Variants in CTIF observed in about 807,000 individuals in gnomAD.
CTIF encodes the protein cap binding complex dependent translation initiation factor.
CTIF carries 21 observed loss-of-function variants against 66.0 expected under a neutral mutation model. The observed-to-expected ratio is 0.32, with a 90% CI of 0.23 to 0.46. The LOEUF (loss-of-function observed/expected upper bound fraction) is 0.46. Ranked by LOEUF, CTIF falls within the 20% of genes least tolerant of loss-of-function variation. CTIF has a pLI of 1.00. For synonymous variants in CTIF, 345 were observed against 326.4 expected, an observed-to-expected ratio of 1.06 and a Z score of -0.62; for missense variants, 739 against 812.7, an observed-to-expected ratio of 0.91 and a Z score of 1.10.
intron 1 of CTIF, among the ~76,000 whole-genome samples, chr18:48,552,188 C>T (rs1011877358): frequency 3.9e-5 from 6 of 152,238 alleles, no homozygotes; most frequent in Non-Finnish European, 7.3e-5. Context: ...TTAGCCATTA[C>T]AGCTTCTGTT....
intron 1 of CTIF, among the ~76,000 whole-genome samples, chr18:48,593,701 T>G (rs1397090714): frequency 6.6e-6 from 1 of 151,912 alleles, no homozygotes; most frequent in Non-Finnish European, 1.5e-5. Context: ...TCTTTTGTAT[T>G]TTAAAGCTGA....
intron 1 of CTIF, among the ~76,000 whole-genome samples, chr18:48,584,365 C>G (rs546482000): frequency 6.6e-6 from 1 of 152,302 alleles, no homozygotes; most frequent in East Asian, 1.9e-4. Context: ...CACAAGAAAC[C>G]AGGGACTATT....
chr18:48,817,209 A>G lies in CTIF; in HGVS notation c.1372-12A>G, dbSNP rs758425217. Reference sequence around the variant, plus strand: ...CCCCGGGAGGCTGACGCGGTCTCTCATGCCTCCACAGAAGGACTTCACGGT... The same window carrying G: ...CCCCGGGAGGCTGACGCGGTCTCTCGTGCCTCCACAGAAGGACTTCACGGT... On this transcript the variant is annotated splice_polypyrimidine_tract_variant and intron_variant, in intron 9 of 11. Coordinates refer to ENST00000256413, the MANE Select transcript of CTIF (RefSeq NM_014772.3). 1.9e-6 allele frequency: 3 copies of G among 1,611,542 alleles called. No individual in the cohort carries two copies. The South Asian group carries it at 3.3e-5, about 18-fold the overall frequency.
At chr18:48,772,909 A>G (rs1910308787) in intron 9 of CTIF, among the ~76,000 whole-genome samples, 1 of 152,236 alleles carries the variant, frequency 6.6e-6, no homozygotes, top group African/African-American at 2.4e-5. Context: ...AGTATCTGCC[A>G]AACTGTTTCC....
chr18:48,568,768 A>C (rs752364908), intron 1 of CTIF, among the ~76,000 whole-genome samples: 1 of 151,842 alleles, frequency 6.6e-6, no homozygotes, highest in African/African-American at 2.4e-5. Flanking sequence ...GGCGGCAGGC[A>C]AAAGAGTGTG....
At chr18:48,839,300 A>C (rs2068884516) in intron 10 of CTIF, among the ~76,000 whole-genome samples, 2 of 149,224 alleles carry the variant, frequency 1.3e-5, no homozygotes, top group African/African-American at 5.0e-5. Context: ...TCCTCACCCC[A>C]CTCTCCTGGC....
intron 1 of CTIF, among the ~76,000 whole-genome samples, chr18:48,558,699 C>A (rs1051478474): frequency 6.6e-6 from 1 of 152,160 alleles, no homozygotes; most frequent in Admixed American, 6.6e-5. Context: ...TCTTAAACAG[C>A]AACTTGTTAT....
intron 1 of CTIF, among the ~76,000 whole-genome samples, chr18:48,541,995 C>T (rs2088632979): frequency 6.6e-6 from 1 of 152,084 alleles, no homozygotes; most frequent in Non-Finnish European, 1.5e-5. Flanking sequence ...CTTTTCTCAG[C>T]TTATGGCATT....
chr18:48,593,556 G>A (rs1469965926), intron 1 of CTIF, among the ~76,000 whole-genome samples: 3 of 151,464 alleles, frequency 2.0e-5, no homozygotes, highest in African/African-American at 7.3e-5. Context: ...TAATTTTTTT[G>A]TATTTTTAGT....
intron 7 of CTIF, among the ~76,000 whole-genome samples, chr18:48,725,313 G>T (rs917320373): frequency 6.6e-6 from 1 of 152,114 alleles, no homozygotes; most frequent in African/African-American, 2.4e-5. Context: ...CTCAGTCAGG[G>T]GTAGGGTAGG....
At chr18:48,719,271 G>A (rs1598921006) in intron 7 of CTIF, among the ~76,000 whole-genome samples, 1 of 152,074 alleles carries the variant, frequency 6.6e-6, no homozygotes, top group East Asian at 1.9e-4. Context: ...GGGATACCAA[G>A]TGCCTCTCGA....
intron 6 of CTIF, among the ~76,000 whole-genome samples, chr18:48,687,549 T>G (rs2091862099): frequency 6.6e-6 from 1 of 152,170 alleles, no homozygotes; most frequent in South Asian, 2.1e-4. Context: ...AGCCACACCC[T>G]GCCTAGCTTT....
At chr18:48,610,500 G>C (rs921056246) in intron 1 of CTIF, among the ~76,000 whole-genome samples, 1 of 152,070 alleles carries the variant, frequency 6.6e-6, no homozygotes, top group Non-Finnish European at 1.5e-5. Flanking sequence ...TTCTTCCTCC[G>C]AGAGGAAGTG....
chr18:48,623,317 G>A (rs894377718), intron 2 of CTIF, among the ~76,000 whole-genome samples: 2 of 152,214 alleles, frequency 1.3e-5, no homozygotes, highest in African/African-American at 4.8e-5. Context: ...CCTGCCTGCT[G>A]CTGCCGGAAA....
chr18:48,616,303 C>A (rs1466496919), intron 1 of CTIF, among the ~76,000 whole-genome samples: 1 of 152,250 alleles, frequency 6.6e-6, no homozygotes, highest in Non-Finnish European at 1.5e-5. Flanking sequence ...TTATTCCCAT[C>A]CAGCGGAGGC....
chr18:48,597,144 A>G (rs2090001247), intron 1 of CTIF, among the ~76,000 whole-genome samples: 2 of 152,224 alleles, frequency 1.3e-5, no homozygotes, highest in Admixed American at 1.3e-4. Context: ...TGTAACATCA[A>G]CTGGCCTCTT....
chr18:48,605,471 A>C (rs2090185091), intron 1 of CTIF, among the ~76,000 whole-genome samples: 1 of 151,986 alleles, frequency 6.6e-6, no homozygotes, highest in South Asian at 2.1e-4. Flanking sequence ...CCAGTTAACC[A>C]CTCAGCCTGC....
rs768482675 is a variant in CTIF at position 48,758,319 on chromosome 18, A to C, written c.985A>C (p.Ile329Leu). 6.8e-5 allele frequency: 110 copies of C among 1,613,040 alleles called. No homozygotes were observed. Among genetic ancestry groups the C allele is most frequent in the Middle Eastern group, 3.3e-4 (2 of 6,082 alleles). Residue 329 changes from isoleucine (I) to leucine (L), a missense_variant, in exon 8 of 12, where the codon ATT becomes CTT. This residue lies in a region of CTIF where 529 missense variants were observed against 520.3 expected (regional missense o/e 1.02). Transcript: ENST00000256413. ...GGTTGAGACAAAACGTAAAGACAGT[A>C]TTCTTCCCGAGCGCATCGGGGAGCG... ...PEVETKRKDS[I>L]LPERIGERPK...
chr18:48,749,254 C>T (rs1330457060), intron 7 of CTIF, among the ~76,000 whole-genome samples: 3 of 152,126 alleles, frequency 2.0e-5, no homozygotes, highest in East Asian at 1.9e-4. Context: ...GCCAGGGTGC[C>T]GAGGCCAGCT....
Sources: allele counts gnomAD v4.1 joint callset (sites outside exome capture counted in the v4.1 genomes callset), GRCh38; gene constraint gnomAD v4.1.1; regional missense constraint gnomAD v4.1.1; transcripts MANE v1.5; gene names NCBI Gene and HGNC (gene_info 2026-07-23, HGNC 2026-07-21).